CNTNAP2: variants seen among roughly 807,000 people sequenced by gnomAD.
The protein encoded by CNTNAP2 is contactin-associated protein-like 2.
Under a neutral mutation model 155.2 loss-of-function variants are expected in CNTNAP2, and 98 were observed. The observed-to-expected ratio is 0.63, with a 90% CI of 0.54 to 0.75. The LOEUF (loss-of-function observed/expected upper bound fraction) is 0.75, where lower values mean the gene tolerates loss of function less well. CNTNAP2 is among the 30% of genes least tolerant of loss of function. The pLI is 0.00. For synonymous variants in CNTNAP2, 651 were observed against 631.2 expected, an observed-to-expected ratio of 1.03 and a Z score of -0.47; for missense variants, 1,727 against 1,688.1, an observed-to-expected ratio of 1.02 and a Z score of -0.40.
At chr7:147,608,394 G>GTTT (rs34394264) in intron 12 of CNTNAP2, among the ~76,000 whole-genome samples, 49 of 151,502 alleles carry the variant, frequency 3.2e-4, no homozygotes, top group African/African-American at 1.2e-3. Flanking sequence ...TTTTCTAAGT[G>GTTT]TTTTTTTTAA....
At chr7:146,491,824 A>C (rs2129131307) in intron 1 of CNTNAP2, among the ~76,000 whole-genome samples, 1 of 152,284 alleles carries the variant, frequency 6.6e-6, no homozygotes, top group South Asian at 2.1e-4. Flanking sequence ...TGTGAAACAA[A>C]ATTTCTCACA....
chr7:146,339,255 G>A (rs562099860), intron 1 of CNTNAP2, among the ~76,000 whole-genome samples: 50 of 151,684 alleles, frequency 3.3e-4, no homozygotes, highest in African/African-American at 9.7e-4. Flanking sequence ...ACACATATGC[G>A]TGTACATACG....
intron 15 of CNTNAP2, among the ~76,000 whole-genome samples, chr7:148,107,597 G>A (rs545614415): frequency 2.6e-5 from 4 of 151,968 alleles, no homozygotes; most frequent in Non-Finnish European, 5.9e-5. Context: ...TAACCTGAAT[G>A]TACAAAAAAG....
At chr7:146,985,108 T>G (rs1012278178) in intron 3 of CNTNAP2, among the ~76,000 whole-genome samples, 1 of 152,090 alleles carries the variant, frequency 6.6e-6, no homozygotes, top group African/African-American at 2.4e-5. Context: ...CTTCCTAATT[T>G]AAGTCATAGA....
chr7:146,734,484 A>T (rs964471006), intron 1 of CNTNAP2, among the ~76,000 whole-genome samples: 1 of 151,252 alleles, frequency 6.6e-6, no homozygotes, highest in African/African-American at 2.4e-5. Flanking sequence ...AGAAGGAATG[A>T]TGATATTATC....
At chr7:148,395,079 A>G (rs1159887001) in intron 22 of CNTNAP2, among the ~76,000 whole-genome samples, 1 of 150,612 alleles carries the variant, frequency 6.6e-6, no homozygotes, top group Non-Finnish European at 1.5e-5. Context: ...TTTAATTTCC[A>G]TTCCCTTTTT....
rs1256246782 is a variant in CNTNAP2, at chr7:147,957,260, G to GTC, written c.2256-20602_2256-20601insTC. ...TTTGCTGACAAATACGATGGAGAGA[G>GTC]CTGAAGTTGTTTGTTTGTTTGTTTG... On this transcript the variant is annotated intron_variant, in intron 14 of 23. Coordinates refer to ENST00000361727, the MANE Select transcript of CNTNAP2 (RefSeq NM_014141.6). Among the ~76,000 whole-genome samples, 3 of 152,168 alleles carry GTC rather than the reference G, an allele frequency of 2.0e-5. No homozygotes were observed. The East Asian group carries it at 5.8e-4, about 29-fold the overall frequency.
At chr7:148,313,158 G>A (rs1001382875) in intron 21 of CNTNAP2, among the ~76,000 whole-genome samples, 1 of 151,558 alleles carries the variant, frequency 6.6e-6, no homozygotes, top group Non-Finnish European at 1.5e-5. Flanking sequence ...CAGTTACGGA[G>A]GCAAGGGAAA....
chr7:147,631,806 C>T (rs577668634), intron 12 of CNTNAP2, among the ~76,000 whole-genome samples: 3 of 152,220 alleles, frequency 2.0e-5, no homozygotes, highest in South Asian at 2.1e-4. Flanking sequence ...GCATCCTCAT[C>T]GCTTAACTTA....
chr7:147,118,963 C>T (rs750141694), intron 5 of CNTNAP2, among the ~76,000 whole-genome samples: 2 of 152,138 alleles, frequency 1.3e-5, no homozygotes, highest in Middle Eastern at 3.4e-3. Flanking sequence ...TAATAACGAA[C>T]GTGTATTCAT....
chr7:147,819,839 T>C (rs2116619956), intron 13 of CNTNAP2, among the ~76,000 whole-genome samples: 1 of 152,332 alleles, frequency 6.6e-6, no homozygotes, highest in Middle Eastern at 3.4e-3. Context: ...AAAAATATTT[T>C]AGAGTTTACT....
chr7:147,825,556 AG>A (rs1490808349), intron 13 of CNTNAP2, among the ~76,000 whole-genome samples: 1 of 152,236 alleles, frequency 6.6e-6, no homozygotes, highest in Non-Finnish European at 1.5e-5. Flanking sequence ...GTATGATAAT[AG>A]TATTCTCCAA....
At chr7:147,904,199 T>C (rs1369766079) in intron 14 of CNTNAP2, among the ~76,000 whole-genome samples, 2 of 152,218 alleles carry the variant, frequency 1.3e-5, no homozygotes, top group African/African-American at 4.8e-5. Context: ...AAAATCATTC[T>C]TTGCTCTTGT....
intron 10 of CNTNAP2, among the ~76,000 whole-genome samples, chr7:147,454,989 C>T (rs1258632067): frequency 3.3e-5 from 5 of 152,046 alleles, no homozygotes; most frequent in African/African-American, 7.2e-5. Context: ...TAAGAGCTGG[C>T]GGTATGCCCC....
rs116588505 is a variant in CNTNAP2, at chr7:146,361,761, C to T, written c.97+244788C>T. On this transcript the variant is annotated intron_variant, in intron 1 of 23. Coordinates refer to ENST00000361727, the MANE Select transcript of CNTNAP2 (RefSeq NM_014141.6). ...TCTGAGGTGTGTCATACAATAGTCA[C>T]GATTAGCCTATTGAAGACATAAATG... Among the ~76,000 whole-genome samples, 350 of 151,870 alleles carry T rather than the reference C, an allele frequency of 2.3e-3. 1 individual carries two copies. Among genetic ancestry groups the T allele is most frequent in the African/African-American group, 8.1e-3 (335 of 41,468 alleles).
At chr7:147,759,780 C>T (rs1208719076) in intron 13 of CNTNAP2, among the ~76,000 whole-genome samples, 2 of 152,156 alleles carry the variant, frequency 1.3e-5, no homozygotes, top group African/African-American at 2.4e-5. Context: ...GAAACAGCTC[C>T]ATTTGTTTGC....
intron 15 of CNTNAP2, chr7:147,978,307 G>A (rs570588568): frequency 9.5e-5 from 35 of 368,616 alleles, no homozygotes; most frequent in South Asian, 6.7e-4. Context: ...GTGATTCCAC[G>A]GAGTGCTGCT....
chr7:147,723,124 G>T (rs1339581981), intron 13 of CNTNAP2, among the ~76,000 whole-genome samples: 1 of 151,826 alleles, frequency 6.6e-6, no homozygotes, highest in African/African-American at 2.4e-5. Context: ...GGCACTAAAT[G>T]CCAACTCTCC....
intron 1 of CNTNAP2, among the ~76,000 whole-genome samples, chr7:146,327,370 G>T (rs1461666165): frequency 6.6e-6 from 1 of 152,164 alleles, no homozygotes; most frequent in African/African-American, 2.4e-5. Flanking sequence ...CAGGCAGATG[G>T]CAGAAGGCAA....
Sources: allele counts gnomAD v4.1 joint callset (sites outside exome capture counted in the v4.1 genomes callset), GRCh38; gene constraint gnomAD v4.1.1; transcripts MANE v1.5; gene names NCBI Gene and HGNC (gene_info 2026-07-23, HGNC 2026-07-21).